The following PCOLCE2 variants were observed in gnomAD, a reference collection of about 807,000 sequenced individuals.
PCOLCE2 encodes procollagen C-endopeptidase enhancer 2, also known as procollagen C-proteinase enhancer 2.
Under a neutral mutation model 47.0 loss-of-function variants are expected in PCOLCE2, and 42 were observed. That is an observed-to-expected ratio of 0.89 (90% CI 0.70 to 1.16). PCOLCE2 has a LOEUF of 1.16. Among genes scored for constraint, PCOLCE2 ranks in the 50% most tolerant of loss-of-function variants. The pLI, the probability that PCOLCE2 is intolerant of heterozygous loss-of-function variation, is 0.00. For synonymous variants in PCOLCE2, 169 were observed against 191.7 expected (o/e 0.88, Z 0.98); for missense variants, 500 against 526.1 (o/e 0.95, Z 0.49).
rs143453554 is a variant in PCOLCE2 at position 142,842,103 on chromosome 3, C to G, written c.573+821G>C. The stretch of plus-strand genomic sequence containing the variant: ...GCACATATTTTATTTTAAATGACAA[C>G]CAAAAACACCCTAAAGCAGACCAGC... On this transcript the variant is annotated intron_variant, in intron 4 of 8. Coordinates refer to ENST00000295992, the MANE Select transcript of PCOLCE2 (RefSeq NM_013363.4). The surrounding 1 kb of genome is among the most constrained non-coding windows in gnomAD (Gnocchi z 4.1). 2.0e-5 allele frequency among the ~76,000 whole-genome samples: 3 copies of G among 152,272 alleles called. No individual in the cohort carries two copies. The East Asian group carries it at 5.8e-4, about 29-fold the overall frequency.
intron 2 of PCOLCE2, among the ~76,000 whole-genome samples, chr3:142,871,817 T>C (rs1167413442): frequency 6.6e-6 from 1 of 152,188 alleles, no homozygotes; most frequent in Non-Finnish European, 1.5e-5. Context: ...AGATATTCAA[T>C]ACACATATGT....
chr3:142,873,427 G>T (rs1933433866), intron 2 of PCOLCE2, among the ~76,000 whole-genome samples: 1 of 149,640 alleles, frequency 6.7e-6, no homozygotes. Flanking sequence ...ATTTTTTAAA[G>T]TTAACTACCT....
At chr3:142,860,857 A>G (rs1933168754) in intron 2 of PCOLCE2, among the ~76,000 whole-genome samples, 2 of 152,086 alleles carry the variant, frequency 1.3e-5, no homozygotes, top group African/African-American at 2.4e-5. Context: ...CCCACCCTCT[A>G]TCCAGTCTGG....
chr3:142,861,982 G>A (rs868448146), intron 2 of PCOLCE2, among the ~76,000 whole-genome samples: 1 of 152,144 alleles, frequency 6.6e-6, no homozygotes, highest in African/African-American at 2.4e-5. Context: ...AGGTGGGGCC[G>A]GGGTCTCACC....
chr3:142,842,374 T>C lies in PCOLCE2; in HGVS notation c.573+550A>G, dbSNP rs1937272710. Among the ~76,000 whole-genome samples, 1 of 152,178 alleles carries C rather than the reference T, an allele frequency of 6.6e-6. No homozygotes were observed. Among genetic ancestry groups the C allele is most frequent in the Non-Finnish European group, 1.5e-5 (1 of 68,036 alleles). ...TGTGAGATCTGCTTACCATTTGTAT[T>C]TTTAAAACTGTTTTGAAAATTGTCA... On this transcript the variant is annotated intron_variant, in intron 4 of 8. Transcript: ENST00000295992. The surrounding 1 kb of genome is among the most constrained non-coding windows in gnomAD (Gnocchi z 4.1).
chr3:142,857,467 A>C (rs1240407375), intron 2 of PCOLCE2, among the ~76,000 whole-genome samples: 1 of 152,226 alleles, frequency 6.6e-6, no homozygotes, highest in Non-Finnish European at 1.5e-5. Context: ...CAAAAGATGG[A>C]AGTACTAAGT....
chr3:142,840,222 T>G (rs544277622), intron 4 of PCOLCE2, among the ~76,000 whole-genome samples: 10 of 152,324 alleles, frequency 6.6e-5, no homozygotes, highest in Admixed American at 5.9e-4. Flanking sequence ...AAAGTCAGTG[T>G]TAGGTTTTTA....
chr3:142,848,538 C>A, intron 2 of PCOLCE2, 66 bp from the exon 3 acceptor site: 2 of 1,353,480 alleles, frequency 1.5e-6, no homozygotes, highest in South Asian at 2.6e-5. Context: ...GACATCTAGT[C>A]ACTTACTTAA....
chr3:142,829,116 A>G (rs935546649), intron 6 of PCOLCE2, among the ~76,000 whole-genome samples: 10 of 152,068 alleles, frequency 6.6e-5, no homozygotes, highest in African/African-American at 2.4e-4. Flanking sequence ...GGTACTACCT[A>G]CAGAGACCCT....
chr3:142,830,055 C>G (rs1937128288), intron 5 of PCOLCE2, among the ~76,000 whole-genome samples: 1 of 152,192 alleles, frequency 6.6e-6, no homozygotes, highest in Admixed American at 6.5e-5. Context: ...TGAATTGTCA[C>G]ATTCCACCTT....
intron 4 of PCOLCE2, among the ~76,000 whole-genome samples, chr3:142,840,979 G>A (rs976733034): frequency 7.3e-5 from 11 of 151,684 alleles, no homozygotes; most frequent in African/African-American, 2.4e-4. Context: ...GGAGGCTGAG[G>A]CAGGAGAATG....
At chr3:142,848,584 CCT>C in intron 2 of PCOLCE2, 112 bp from the exon 3 acceptor site, 2 of 952,596 alleles carry the variant, frequency 2.1e-6, no homozygotes, top group Non-Finnish European at 1.6e-6. Flanking sequence ...AATGCTTTTT[CCT>C]CTCTCATATC....
intron 6 of PCOLCE2, chr3:142,827,058 T>G (rs967426820): frequency 6.7e-5 from 74 of 1,104,676 alleles, no homozygotes; most frequent in African/African-American, 1.6e-5. Context: ...TCTTACTTTT[T>G]TTTGGCATAA....
At chr3:142,873,346 T>A (rs1483167027) in intron 2 of PCOLCE2, among the ~76,000 whole-genome samples, 1 of 143,478 alleles carries the variant, frequency 7.0e-6, no homozygotes, top group Non-Finnish European at 1.5e-5. Flanking sequence ...TGAGACAAGA[T>A]CGCACCATTG....
chr3:142,875,292 T>C (rs1427874790), intron 2 of PCOLCE2, among the ~76,000 whole-genome samples: 1 of 152,296 alleles, frequency 6.6e-6, no homozygotes, highest in Admixed American at 6.5e-5. Flanking sequence ...CAGCATCCTC[T>C]TCAAAATGCC....
chr3:142,852,410 A>C (rs543288459), intron 2 of PCOLCE2, among the ~76,000 whole-genome samples: 10 of 152,208 alleles, frequency 6.6e-5, no homozygotes, highest in Non-Finnish European at 1.3e-4. Flanking sequence ...AAAAAATAAA[A>C]AAATAAAAAA....
At chr3:142,830,741 AT>A (rs1247912508) in intron 5 of PCOLCE2, among the ~76,000 whole-genome samples, 28 of 152,324 alleles carry the variant, frequency 1.8e-4, no homozygotes, top group African/African-American at 6.3e-4. Context: ...TGCTATTGTT[AT>A]TTACACAATG....
intron 2 of PCOLCE2, among the ~76,000 whole-genome samples, chr3:142,850,060 CAG>C (rs1937372476): frequency 6.6e-6 from 1 of 152,156 alleles, no homozygotes; most frequent in African/African-American, 2.4e-5. Context: ...GTGTGAATAT[CAG>C]AGTTCCAAAG....
chr3:142,843,066 G>A lies in PCOLCE2; in HGVS notation c.449-18C>T, dbSNP rs1017314091. ...CTGATCCCCTTCAAGTATTAAACAA[G>A]GAAAAAAGCCCACAAGTTTATGTAG... is the stretch of plus-strand genomic sequence containing the variant. On this transcript the variant is annotated intron_variant, in intron 3 of 8. Coordinates refer to ENST00000295992, the MANE Select transcript of PCOLCE2 (RefSeq NM_013363.4). 1 of 1,606,666 alleles carries A rather than the reference G, an allele frequency of 6.2e-7. No individual in the cohort carries two copies. The highest frequency in any genetic ancestry group is 2.2e-5 in the East Asian group (1 of 44,822).
Sources: allele counts gnomAD v4.1 joint callset (sites outside exome capture counted in the v4.1 genomes callset), GRCh38; gene constraint gnomAD v4.1.1; non-coding constraint Gnocchi (gnomAD v3.1); transcripts MANE v1.5; gene names NCBI Gene and HGNC (gene_info 2026-07-23, HGNC 2026-07-21).